Variants in PLPP7 observed in about 807,000 individuals in gnomAD.
PLPP7 encodes phospholipid phosphatase 7 (inactive).
A neutral mutation model predicts 16.9 loss-of-function variants in PLPP7; 11 were observed. That is an observed-to-expected ratio of 0.65 (90% CI 0.41 to 1.08). PLPP7 has a LOEUF of 1.08. Ranked by LOEUF, PLPP7 falls within the 50% of genes least tolerant of loss-of-function variation. PLPP7 has a pLI of 0.00. For missense variants in PLPP7, 358 were observed against 397.1 expected (o/e 0.90, Z 0.84); for synonymous variants, 174 against 175.1 (o/e 0.99, Z 0.05).
At position 131,290,286 on chromosome 9, in the gene PLPP7, G is replaced by A; in HGVS notation, c.289G>A (p.Gly97Arg). Residue 97 changes from glycine to arginine, a missense_variant, in exon 1 of 2, where the codon GGG becomes AGG. By Grantham distance (125) the Gly-to-Arg change is moderately radical (BLOSUM62 -2). Transcript: ENST00000372264. The surrounding 1 kb of genome is among the most constrained non-coding windows in gnomAD (Gnocchi z 4.2). The part of the protein sequence containing the change: ...AIDICMSKRL[G>R]VCAGRAASWA... Reference sequence around the variant, plus strand: ...CGATATCTGTATGTCCAAGCGGCTGGGGGTGTGCGCTGGCCGGGCGGCGTC... The same window carrying A: ...CGATATCTGTATGTCCAAGCGGCTGAGGGTGTGCGCTGGCCGGGCGGCGTC... 1.9e-6 allele frequency: 3 copies of A among 1,612,412 alleles called. No homozygotes were observed. Among genetic ancestry groups the A allele is most frequent in the Non-Finnish European group, 2.5e-6 (3 of 1,179,276 alleles).
intron 1 of PLPP7, among the ~76,000 whole-genome samples, chr9:131,301,660 G>T (rs1013354894): frequency 1.3e-5 from 2 of 152,160 alleles, no homozygotes; most frequent in Admixed American, 1.3e-4. Context: ...ACAGCTTCCC[G>T]GGCCAGGCGG....
chr9:131,297,392 T>C (rs1361479181), intron 1 of PLPP7, among the ~76,000 whole-genome samples: 1 of 151,806 alleles, frequency 6.6e-6, no homozygotes, highest in African/African-American at 2.4e-5. Flanking sequence ...GAGTCTTTTT[T>C]TTTTTTTTTT....
intron 1 of PLPP7, among the ~76,000 whole-genome samples, chr9:131,304,179 T>C (rs1835828415): frequency 6.6e-6 from 1 of 152,104 alleles, no homozygotes; most frequent in African/African-American, 2.4e-5. Flanking sequence ...AACCCCCACA[T>C]TGGCGGTCTG....
intron 1 of PLPP7, among the ~76,000 whole-genome samples, chr9:131,307,528 G>A (rs572578583): frequency 7.9e-4 from 90 of 114,138 alleles, no homozygotes; most frequent in African/African-American, 3.0e-3. Context: ...CTCCAGCCTG[G>A]TTGACAAAGT....
At chr9:131,294,672 T>G (rs1243362458) in intron 1 of PLPP7, among the ~76,000 whole-genome samples, 1 of 152,126 alleles carries the variant, frequency 6.6e-6, no homozygotes, top group Non-Finnish European at 1.5e-5. Context: ...TGTTTGTTTG[T>G]TTGTTTGTTT....
intron 1 of PLPP7, among the ~76,000 whole-genome samples, chr9:131,294,205 G>T (rs938818843): frequency 3.3e-5 from 5 of 152,048 alleles, no homozygotes; most frequent in Non-Finnish European, 1.5e-5. Flanking sequence ...ACAGGCAGCC[G>T]GACCTGAGTG....
intron 1 of PLPP7, among the ~76,000 whole-genome samples, chr9:131,292,182 C>A (rs535968457): frequency 4.8e-4 from 73 of 152,254 alleles, no homozygotes; most frequent in Non-Finnish European, 1.5e-4. Context: ...CTCTCATTAT[C>A]CACAGTTTCA....
chr9:131,296,601 C>A (rs1014931715), intron 1 of PLPP7, among the ~76,000 whole-genome samples: 2 of 152,186 alleles, frequency 1.3e-5, no homozygotes, highest in African/African-American at 2.4e-5. Flanking sequence ...AAGGCTAGAT[C>A]AAGAAGAAAG....
chr9:131,296,489 A>C (rs1414901765), intron 1 of PLPP7, among the ~76,000 whole-genome samples: 1 of 152,124 alleles, frequency 6.6e-6, no homozygotes, highest in Admixed American at 6.6e-5. Context: ...CTTGACCTCA[A>C]GTGATCCTCC....
At chr9:131,291,668 G>A (rs537932654) in intron 1 of PLPP7, among the ~76,000 whole-genome samples, 48 of 147,980 alleles carry the variant, frequency 3.2e-4, no homozygotes, top group Non-Finnish European at 5.3e-4. Context: ...TACAACCTCC[G>A]CCTCCCGGGT....
In PLPP7 at chr9:131,308,514, A is replaced by G. The variant is rs1835882676; in HGVS notation, c.*227A>G. On this transcript the variant is annotated 3_prime_UTR_variant, in exon 2 of 2. Transcript: ENST00000372264. ...CTCTTGCCCCTTTGCTTGGACTCCAAGTCTCCTCTCTAGGCAGCCAGGACC... is the reference window on the plus strand; with the variant it reads ...CTCTTGCCCCTTTGCTTGGACTCCAGGTCTCCTCTCTAGGCAGCCAGGACC... 3 of 724,318 alleles carry G rather than the reference A, an allele frequency of 4.1e-6. No homozygotes were observed. The East Asian group carries it at 8.5e-5, about 20-fold the overall frequency. The allele number at this position is 724,318 out of a possible 1,614,324, so 44.9% of individuals were successfully genotyped here.
chr9:131,301,782 A>T (rs1431246253), intron 1 of PLPP7, among the ~76,000 whole-genome samples: 2 of 149,714 alleles, frequency 1.3e-5, no homozygotes, highest in Non-Finnish European at 3.0e-5. Context: ...GGGTGAGTAG[A>T]CCAAGGCGCT....
intron 1 of PLPP7, among the ~76,000 whole-genome samples, chr9:131,301,928 T>G (rs1239150452): frequency 1.3e-5 from 2 of 151,278 alleles, no homozygotes; most frequent in African/African-American, 4.9e-5. Flanking sequence ...GTGATTCTCC[T>G]GCCTCAGCCT....
Position 131,308,442 on chromosome 9 carries a change from AC to A in PLPP7, c.*158del. 8.2e-7 allele frequency: 1 copy of A among 1,215,548 alleles called. No individual in the cohort carries two copies. The highest frequency in any genetic ancestry group is 1.1e-6 in the Non-Finnish European group (1 of 900,152). 75.3% of individuals were successfully genotyped at this position (1,215,548 alleles called of 1,614,324 possible). ...TCCCCTCCTGGCTGGAGGCTGGCGA[AC>A]CCAGGCCACCCCTCCCGGAGACAAG... is the stretch of plus-strand genomic sequence containing the variant. On this transcript the variant is annotated 3_prime_UTR_variant, in exon 2 of 2. Coordinates refer to ENST00000372264, the MANE Select transcript of PLPP7 (RefSeq NM_032728.4).
At position 131,308,382 on chromosome 9, in the gene PLPP7, G is replaced by A. The variant is rs1030805364; in HGVS notation, c.*95G>A. On this transcript the variant is annotated 3_prime_UTR_variant, in exon 2 of 2. Coordinates refer to ENST00000372264, the MANE Select transcript of PLPP7 (RefSeq NM_032728.4). ...GTGGCGGGCGTGGGTGGAACAGAGC[G>A]GCCAGGAGTCAGAGCGGCCACCCCC... 8.4e-5 allele frequency: 122 copies of A among 1,445,894 alleles called. 3 individuals are homozygous for A. In the East Asian group the frequency reaches 1.9e-3, roughly 23 times the overall value. 89.6% of individuals were successfully genotyped at this position (1,445,894 alleles called of 1,614,324 possible).
At chr9:131,296,777 C>T (rs1041023867) in intron 1 of PLPP7, among the ~76,000 whole-genome samples, 1 of 152,168 alleles carries the variant, frequency 6.6e-6, no homozygotes, top group Non-Finnish European at 1.5e-5. Context: ...CACCTGGAAT[C>T]CTGATCTGGA....
rs532646244 is a variant in PLPP7, at chr9:131,290,836, A to G, written c.451+388A>G. On this transcript the variant is annotated intron_variant, in intron 1 of 1. Coordinates refer to ENST00000372264, the MANE Select transcript of PLPP7 (RefSeq NM_032728.4). This position sits in a 1 kb window ranked among gnomAD's most constrained non-coding sequence, Gnocchi z 4.2. ...GGTGTCACTGTTTGACTCCTGCCCC[A>G]CGGCTGAGGTCCTCGCTCCTTGACA... 8.5e-5 allele frequency among the ~76,000 whole-genome samples: 13 copies of G among 152,224 alleles called. No individual in the cohort carries two copies. Among genetic ancestry groups the G allele is most frequent in the African/African-American group, 3.1e-4 (13 of 41,542 alleles).
intron 1 of PLPP7, among the ~76,000 whole-genome samples, chr9:131,306,009 G>T (rs1433848877): frequency 6.7e-6 from 1 of 148,930 alleles, no homozygotes; most frequent in African/African-American, 2.5e-5. Context: ...AGGCCAAGAC[G>T]GGCGGATCGC....
In PLPP7 at chr9:131,308,686, CA is replaced by C; in HGVS notation, c.*403del. On this transcript the variant is annotated 3_prime_UTR_variant, in exon 2 of 2. Coordinates refer to ENST00000372264, the MANE Select transcript of PLPP7 (RefSeq NM_032728.4). ...CATCACGCCACAGCACGACGCCTGC[CA>C]AAATGCCCCCAACCTACTGCCTGAT... is the stretch of plus-strand genomic sequence containing the variant. The C allele has an allele frequency of 5.1e-6, 1 of 196,104 alleles. No homozygotes were observed. Among genetic ancestry groups the C allele is most frequent in the Non-Finnish European group, 1.0e-5 (1 of 95,648 alleles). The allele number at this position is 196,104 out of a possible 1,614,324, so 12.1% of individuals were successfully genotyped here. A position where few individuals can be genotyped will look rare whatever the true frequency, so the allele number is the denominator to read the frequency against.
Sources: allele counts gnomAD v4.1 joint callset (sites outside exome capture counted in the v4.1 genomes callset), GRCh38; gene constraint gnomAD v4.1.1; non-coding constraint Gnocchi (gnomAD v3.1); transcripts MANE v1.5; gene names NCBI Gene and HGNC (gene_info 2026-07-23, HGNC 2026-07-21).